The following COL11A1 variants were observed in gnomAD, a reference collection of about 807,000 sequenced individuals.
COL11A1 encodes the protein collagen type XI alpha 1 chain.
COL11A1 carries 74 observed loss-of-function variants against 265.2 expected under a neutral mutation model. The observed-to-expected ratio is 0.28, with a 90% CI of 0.23 to 0.34. COL11A1 has a LOEUF of 0.34. Ranked by LOEUF, COL11A1 falls within the 10% of genes least tolerant of loss-of-function variation. The pLI, the probability that COL11A1 is intolerant of heterozygous loss-of-function variation, is 1.00. For missense variants in COL11A1, 2,165 were observed against 2,263.6 expected, an observed-to-expected ratio of 0.96 and a Z score of 0.88; for synonymous variants, 816 against 727.6, an observed-to-expected ratio of 1.12 and a Z score of -1.96.
chr1:102,995,734 C>T, intron 28 of COL11A1, 130 bp downstream of exon 28: 1 of 775,432 alleles, frequency 1.3e-6, no homozygotes, highest in Non-Finnish European at 2.2e-6. Context: ...ATAAAGAATA[C>T]AAAATTATAC....
intron 4 of COL11A1, among the ~76,000 whole-genome samples, chr1:103,046,067 T>A (rs1669238444): frequency 1.3e-5 from 2 of 151,690 alleles, no homozygotes; most frequent in South Asian, 2.1e-4. Context: ...TGAATAGTGC[T>A]GCAATAAACA....
chr1:103,052,795 G>A (rs1009004493), intron 4 of COL11A1, among the ~76,000 whole-genome samples: 11 of 151,976 alleles, frequency 7.2e-5, no homozygotes, highest in Middle Eastern at 3.2e-3. Context: ...TATAAACACC[G>A]TGACAAACTT....
At chr1:102,881,222 T>C (rs1650199424) in intron 65 of COL11A1, among the ~76,000 whole-genome samples, 1 of 152,014 alleles carries the variant, frequency 6.6e-6, no homozygotes, top group African/African-American at 2.4e-5. Flanking sequence ...CTTTAGAAAA[T>C]TATTGAAATG....
At chr1:102,902,170 G>A (rs1653288829) in intron 54 of COL11A1, among the ~76,000 whole-genome samples, 1 of 152,136 alleles carries the variant, frequency 6.6e-6, no homozygotes, top group Non-Finnish European at 1.5e-5. Flanking sequence ...GAAAGTACAT[G>A]ATAGTCTCTA....
intron 4 of COL11A1, among the ~76,000 whole-genome samples, chr1:103,058,902 CA>C (rs1214106759): frequency 2.0e-5 from 3 of 151,976 alleles, no homozygotes; most frequent in Non-Finnish European, 4.4e-5. Context: ...GATCTGTGAT[CA>C]GGGATCTTTA....
intron 37 of COL11A1, among the ~76,000 whole-genome samples, chr1:102,967,227 CTTTTTTTTTT>C (rs35303945): frequency 2.5e-4 from 13 of 52,758 alleles, no homozygotes; most frequent in East Asian, 7.2e-4. Flanking sequence ...ATAATAAATT[CTTTTTTTTTT>C]TTTTTTTTTT....
chr1:102,975,265 T>TAAAA (rs35123438), intron 35 of COL11A1, among the ~76,000 whole-genome samples: 8 of 136,308 alleles, frequency 5.9e-5, no homozygotes, highest in African/African-American at 7.9e-5. Flanking sequence ...CAGCCCCGCT[T>TAAAA]AAAAAAAAAA....
intron 44 of COL11A1, among the ~76,000 whole-genome samples, chr1:102,938,583 G>A (rs1198777269): frequency 6.6e-6 from 1 of 151,970 alleles, no homozygotes; most frequent in East Asian, 1.9e-4. Context: ...ATAAAGACAA[G>A]AGTGAACACA....
At chr1:103,003,757 C>T (rs189032560) in intron 20 of COL11A1, among the ~76,000 whole-genome samples, 127 of 152,148 alleles carry the variant, frequency 8.3e-4, no homozygotes, top group Admixed American at 1.4e-3. Context: ...AACCATTTTT[C>T]GAGGTTTCTT....
intron 5 of COL11A1, 30 bp from the exon 6 acceptor site, chr1:103,026,362 A>G: frequency 7.0e-7 from 1 of 1,438,574 alleles, no homozygotes; most frequent in Middle Eastern, 1.7e-4. Flanking sequence ...ATATCAGGCA[A>G]TTGTGTTAGT....
chr1:102,912,815 T>G (rs1380199368), intron 53 of COL11A1, among the ~76,000 whole-genome samples: 4 of 152,142 alleles, frequency 2.6e-5, no homozygotes, highest in Non-Finnish European at 5.9e-5. Context: ...GTTTAATAAG[T>G]GGCTTTTCAC....
chr1:103,026,166 G>A (rs762226732), intron 6 of COL11A1, 50 bp downstream of exon 6: 1 of 1,353,202 alleles, frequency 7.4e-7, no homozygotes, highest in South Asian at 1.2e-5. Context: ...AGGAACCACA[G>A]GATGACGAAC....
chr1:103,046,908 A>G (rs546544805), intron 4 of COL11A1, among the ~76,000 whole-genome samples: 38 of 152,272 alleles, frequency 2.5e-4, no homozygotes, highest in African/African-American at 7.5e-4. Context: ...CAAAGATCAG[A>G]TAGCTGTAGA....
At chr1:102,990,588 A>G (rs960830616) in intron 28 of COL11A1, among the ~76,000 whole-genome samples, 3 of 152,194 alleles carry the variant, frequency 2.0e-5, no homozygotes, top group Non-Finnish European at 4.4e-5. Context: ...ATTTTTAAGT[A>G]AGTTGCATAA....
At chr1:103,015,885 C>T (rs1251213524) in intron 11 of COL11A1, 143 bp from the exon 12 acceptor site, 1 of 568,188 alleles carries the variant, frequency 1.8e-6, no homozygotes, top group Non-Finnish European at 3.1e-6. Context: ...AGTAAGTATA[C>T]CTAGACAGAA....
intron 42 of COL11A1, among the ~76,000 whole-genome samples, chr1:102,940,740 C>T (rs1311491847): frequency 6.6e-6 from 1 of 152,074 alleles, no homozygotes; most frequent in African/African-American, 2.4e-5. Context: ...CTTTGCTGAG[C>T]CTCTTCTCCC....
At chr1:102,969,798 G>T (rs1661778010) in intron 37 of COL11A1, among the ~76,000 whole-genome samples, 1 of 152,094 alleles carries the variant, frequency 6.6e-6, no homozygotes, top group African/African-American at 2.4e-5. Context: ...CTTAGTTCTA[G>T]ATAAAAGAAT....
At position 102,933,549 on chromosome 1, in the gene COL11A1, A is replaced by C. The variant is rs536623577; in HGVS notation, c.3600+900T>G. Among the ~76,000 whole-genome samples the C allele has an allele frequency of 3.9e-5, 6 of 151,964 alleles. No individual in the cohort carries two copies. The East Asian group carries it at 1.2e-3, about 29-fold the overall frequency. ...AGAGGTTACTGTTGTCTTGTTTGTC[A>C]GTGCTCTGCCCCCCAGAGGTGGAGC... On this transcript the variant is annotated intron_variant, in intron 46 of 66. Transcript: ENST00000370096.
intron 4 of COL11A1, among the ~76,000 whole-genome samples, chr1:103,035,930 G>A (rs115451563): frequency 0.017 from 2,627 of 151,792 alleles, 84 homozygotes; most frequent in African/African-American, 0.061. Context: ...TATACTGATA[G>A]TATTTCTCAA....
Sources: gnomAD v4.1 joint callset for allele counts (sites outside exome capture counted in the v4.1 genomes callset) on GRCh38, gnomAD v4.1.1 for gene constraint, MANE v1.5 for transcripts, NCBI Gene and HGNC (gene_info 2026-07-23, HGNC 2026-07-21) for gene names.